The following COMMD10 variants were observed in gnomAD, a reference collection of about 807,000 sequenced individuals.
COMMD10 encodes COMM domain-containing protein 10.
A neutral mutation model predicts 28.9 loss-of-function variants in COMMD10; 33 were observed. The observed-to-expected ratio is 1.14, with a 90% CI of 0.87 to 1.53. The LOEUF (loss-of-function observed/expected upper bound fraction) is 1.53, where lower values mean the gene tolerates loss of function less well. Among genes scored for constraint, COMMD10 ranks in the 40% most tolerant of loss-of-function variants. The probability of loss-of-function intolerance (pLI) is 0.00; values close to 1 mark genes in which losing one functional copy is unlikely to be tolerated. For missense variants in COMMD10, 310 were observed against 233.4 expected (o/e 1.33, Z -2.14); for synonymous variants, 110 against 81.7 (o/e 1.35, Z -1.87).
intron 5 of COMMD10, among the ~76,000 whole-genome samples, chr5:116,242,064 A>G (rs1749829754): frequency 6.6e-6 from 1 of 152,138 alleles, no homozygotes; most frequent in South Asian, 2.1e-4. Context: ...GTTATCTCCT[A>G]AGGTAACTCT....
At chr5:116,256,239 CCGTT>C (rs1451232002) in intron 5 of COMMD10, among the ~76,000 whole-genome samples, 1 of 151,726 alleles carries the variant, frequency 6.6e-6, no homozygotes. Flanking sequence ...TTTTGAATCA[CCGTT>C]CGGACAGATC....
intron 4 of COMMD10, among the ~76,000 whole-genome samples, chr5:116,096,882 C>G (rs1750486790): frequency 6.6e-6 from 1 of 151,778 alleles, no homozygotes; most frequent in Non-Finnish European, 1.5e-5. Flanking sequence ...CCCTGCAATT[C>G]TTTTTTTAAG....
chr5:116,170,875 T>TA (rs1383433822), intron 5 of COMMD10, among the ~76,000 whole-genome samples: 6 of 152,148 alleles, frequency 3.9e-5, no homozygotes, highest in Admixed American at 3.9e-4. Context: ...CCTAAAACCA[T>TA]AAAAACCCTA....
At chr5:116,274,459 G>T (rs1251742481) in intron 5 of COMMD10, among the ~76,000 whole-genome samples, 1 of 151,686 alleles carries the variant, frequency 6.6e-6, no homozygotes, top group African/African-American at 2.4e-5. Context: ...ACTGAAAGTA[G>T]GTCAGATTTT....
chr5:116,206,708 G>A (rs1196811991), intron 5 of COMMD10, among the ~76,000 whole-genome samples: 1 of 152,048 alleles, frequency 6.6e-6, no homozygotes. Context: ...CGTATTTAAA[G>A]GAGGGAGAAT....
chr5:116,192,678 C>G (rs1393607837), intron 5 of COMMD10, among the ~76,000 whole-genome samples: 1 of 152,066 alleles, frequency 6.6e-6, no homozygotes, highest in Non-Finnish European at 1.5e-5. Context: ...TGTTAAACAA[C>G]AAACCTAAGA....
At chr5:116,160,090 TG>T (rs1752867248) in intron 5 of COMMD10, among the ~76,000 whole-genome samples, 1 of 152,172 alleles carries the variant, frequency 6.6e-6, no homozygotes, top group Non-Finnish European at 1.5e-5. Flanking sequence ...TCAAGTGCAG[TG>T]GGATAGCAAA....
chr5:116,164,722 T>C (rs1016947787), intron 5 of COMMD10, among the ~76,000 whole-genome samples: 1 of 152,182 alleles, frequency 6.6e-6, no homozygotes, highest in Non-Finnish European at 1.5e-5. Context: ...GTAAAAAGAG[T>C]GTGGATCTGG....
intron 5 of COMMD10, among the ~76,000 whole-genome samples, chr5:116,234,014 A>T (rs1269978943): frequency 6.6e-6 from 1 of 152,122 alleles, no homozygotes; most frequent in Non-Finnish European, 1.5e-5. Context: ...AAATAGGAAG[A>T]TCTTCAGTCA....
Position 116,144,645 on chromosome 5 carries a change from G to A in COMMD10, c.510+10467G>A, listed in dbSNP as rs138031966. Among the ~76,000 whole-genome samples, 287 of 151,952 alleles carry A rather than the reference G, an allele frequency of 1.9e-3. 3 individuals are homozygous for A. The highest frequency in any genetic ancestry group is 6.6e-3 in the African/African-American group (272 of 41,512). ...GGCAGTATTGGATGCTATTTGAGAG[G>A]TCAGAAAAGAGAAGAATGGACATGT... On this transcript the variant is annotated intron_variant, in intron 5 of 6. Transcript: ENST00000274458.
At chr5:116,223,626 A>G (rs1580561804) in intron 5 of COMMD10, among the ~76,000 whole-genome samples, 1 of 152,184 alleles carries the variant, frequency 6.6e-6, no homozygotes, top group East Asian at 1.9e-4. Context: ...CCAGACTATA[A>G]GGTGAGACCG....
At chr5:116,149,238 C>T (rs2112549040) in intron 5 of COMMD10, among the ~76,000 whole-genome samples, 1 of 145,714 alleles carries the variant, frequency 6.9e-6, no homozygotes, top group East Asian at 2.0e-4. Flanking sequence ...GACACATTTT[C>T]TTAATCCAGT....
rs1016111577 is a variant in COMMD10 at position 116,121,771 on chromosome 5, G to A, written c.400-12297G>A. 5.3e-5 allele frequency among the ~76,000 whole-genome samples: 8 copies of A among 152,182 alleles called. No homozygotes were observed. The South Asian group carries it at 1.2e-3, about 24-fold the overall frequency. ...TTTTCATGTGTCTGTTGGCTGTGTA[G>A]ATGTCTTCTTTTGAGAAGTGTCTGT... On this transcript the variant is annotated intron_variant, in intron 4 of 6. Transcript: ENST00000274458.
In COMMD10 at chr5:116,232,481, G is replaced by A. The variant is rs755168326; in HGVS notation, c.511-59036G>A. On this transcript the variant is annotated intron_variant, in intron 5 of 6. Transcript: ENST00000274458. ...ACGTGAAAAGGACCTCGGCATAAGT[G>A]TTCAGAAATAACAAAGATCAACCAG... 1.7e-4 allele frequency among the ~76,000 whole-genome samples: 26 copies of A among 152,160 alleles called. No homozygotes were observed. The Middle Eastern group carries it at 0.014, about 80-fold the overall frequency.
intron 5 of COMMD10, among the ~76,000 whole-genome samples, chr5:116,252,430 T>A (rs1264004671): frequency 2.5e-4 from 32 of 129,620 alleles, no homozygotes; most frequent in Middle Eastern, 3.7e-3. Flanking sequence ...TTTATGGTTT[T>A]AGGTCTAACA....
intron 5 of COMMD10, among the ~76,000 whole-genome samples, chr5:116,156,876 C>A (rs1266607501): frequency 6.6e-6 from 1 of 151,946 alleles, no homozygotes; most frequent in Non-Finnish European, 1.5e-5. Context: ...AGTCCTTGCC[C>A]CCTTTATTTT....
chr5:116,263,385 A>G (rs1463363812), intron 5 of COMMD10, among the ~76,000 whole-genome samples: 1 of 151,742 alleles, frequency 6.6e-6, no homozygotes, highest in Non-Finnish European at 1.5e-5. Flanking sequence ...CGAGACAAGG[A>G]AAAAATATTT....
At chr5:116,219,022 TG>T (rs1442516487) in intron 5 of COMMD10, among the ~76,000 whole-genome samples, 2 of 152,188 alleles carry the variant, frequency 1.3e-5, no homozygotes, top group Non-Finnish European at 2.9e-5. Flanking sequence ...GTATGACTGG[TG>T]TCTTTGTAAG....
At chr5:116,090,028 G>A (rs528912408) in intron 2 of COMMD10, among the ~76,000 whole-genome samples, 1 of 152,220 alleles carries the variant, frequency 6.6e-6, no homozygotes, top group South Asian at 2.1e-4. Context: ...AGAGGTTTAG[G>A]GATTTTGTTG....
Sources: allele counts gnomAD v4.1 joint callset (sites outside exome capture counted in the v4.1 genomes callset), GRCh38; gene constraint gnomAD v4.1.1; transcripts MANE v1.5; gene names NCBI Gene and HGNC (gene_info 2026-07-23, HGNC 2026-07-21).